The following CYP20A1 variants were observed in gnomAD, a reference collection of about 807,000 sequenced individuals.
The protein encoded by CYP20A1 is cytochrome P450 20A1.
CYP20A1 carries 61 observed loss-of-function variants against 61.4 expected under a neutral mutation model. The observed-to-expected ratio is 0.99, with a 90% CI of 0.81 to 1.23. The LOEUF (loss-of-function observed/expected upper bound fraction) is 1.23, where lower values mean the gene tolerates loss of function less well. Among genes scored for constraint, CYP20A1 ranks in the 50% most tolerant of loss-of-function variants. The probability of loss-of-function intolerance (pLI) is 0.00; values close to 1 mark genes in which losing one functional copy is unlikely to be tolerated. For synonymous variants in CYP20A1, 193 were observed against 188.2 expected (o/e 1.03, Z -0.21); for missense variants, 530 against 542.4 (o/e 0.98, Z 0.23).
At chr2:203,269,569 A>G (rs1216275308) in intron 5 of CYP20A1, among the ~76,000 whole-genome samples, 1 of 148,218 alleles carries the variant, frequency 6.7e-6, no homozygotes, top group Non-Finnish European at 1.5e-5. Flanking sequence ...ATCTCGGCTC[A>G]CTGCAACCTC....
chr2:203,265,326 C>T (rs1347846553), intron 4 of CYP20A1, among the ~76,000 whole-genome samples: 2 of 152,104 alleles, frequency 1.3e-5, no homozygotes, highest in Admixed American at 6.6e-5. Context: ...ACAAAATCAC[C>T]CTGGTTGAGA....
At chr2:203,239,827 C>T (rs1260294192) in intron 1 of CYP20A1, among the ~76,000 whole-genome samples, 1 of 152,088 alleles carries the variant, frequency 6.6e-6, no homozygotes, top group Non-Finnish European at 1.5e-5. Flanking sequence ...TGACTGAGGA[C>T]CGTCTTTAAA....
chr2:203,303,252 C>T lies in CYP20A1; in HGVS notation c.*6344C>T, dbSNP rs2069093382. On this transcript the variant is annotated 3_prime_UTR_variant, in exon 13 of 13. Coordinates refer to ENST00000356079, the MANE Select transcript of CYP20A1 (RefSeq NM_177538.3). Reference sequence around the variant, plus strand: ...ACTCCTAACCTCAGGTGATTCACACCCCTTGGCCTCCTGAAGTGCTGGGAT... The same window carrying T: ...ACTCCTAACCTCAGGTGATTCACACTCCTTGGCCTCCTGAAGTGCTGGGAT... Among the ~76,000 whole-genome samples, 1 of 150,594 alleles carries T rather than the reference C, an allele frequency of 6.6e-6. No homozygotes were observed. The highest frequency in any genetic ancestry group is 6.6e-5 in the Admixed American group (1 of 15,062).
intron 5 of CYP20A1, 150 bp downstream of exon 5, chr2:203,266,831 A>ATTAG: frequency 1.6e-6 from 1 of 627,260 alleles, no homozygotes; most frequent in Non-Finnish European, 2.7e-6. Flanking sequence ...AAATACAAAA[A>ATTAG]TCAGCTGGGT....
intron 1 of CYP20A1, among the ~76,000 whole-genome samples, chr2:203,242,665 T>G (rs2066295476): frequency 6.6e-6 from 1 of 151,876 alleles, no homozygotes; most frequent in Non-Finnish European, 1.5e-5. Context: ...GCGTCCGTGG[T>G]CCCTGGTCCC....
rs575058733 is a variant in CYP20A1 at position 203,293,214 on chromosome 2, C to CTTTTTTTTTTTTT, written c.1148+889_1148+890insTTTTTTTTTTTTT. 4.7e-5 allele frequency among the ~76,000 whole-genome samples: 6 copies of CTTTTTTTTTTTTT among 128,910 alleles called. 3 individuals are homozygous for CTTTTTTTTTTTTT. Among genetic ancestry groups the CTTTTTTTTTTTTT allele is most frequent in the Non-Finnish European group, 9.6e-5 (6 of 62,470 alleles). 84.6% of individuals were successfully genotyped at this position (128,910 alleles called of 152,430 possible). The stretch of plus-strand genomic sequence containing the variant: ...ATTTTTAAAAAAGCAGAATTTCTCT[C>CTTTTTTTTTTTTT]TCTTTTTTTTTTTTTTTTTGAGATG... On this transcript the variant is annotated intron_variant, in intron 11 of 12. Transcript: ENST00000356079.
At chr2:203,292,433 C>T (rs2068577726) in intron 11 of CYP20A1, 107 bp downstream of exon 11, 4 of 744,884 alleles carry the variant, frequency 5.4e-6, no homozygotes, top group Admixed American at 2.1e-5. Context: ...AGCAATGATA[C>T]AACAAAAGAA....
At chr2:203,251,793 G>GTACATATATATATATATATATATA (rs1553513991) in intron 3 of CYP20A1, among the ~76,000 whole-genome samples, 174 bp from the exon 4 acceptor site, 5 of 64,214 alleles carry the variant, frequency 7.8e-5, no homozygotes, top group African/African-American at 2.0e-4. Context: ...ATATATATGT[G>GTACATATATATATATATATATATA]TATATATATA....
intron 6 of CYP20A1, among the ~76,000 whole-genome samples, chr2:203,273,653 AGCAACATAG>A (rs1559099037): frequency 2.0e-5 from 3 of 152,156 alleles, no homozygotes; most frequent in African/African-American, 2.4e-5. Flanking sequence ...TTAAAAAATT[AGCAACATAG>A]GCCCAGTGCG....
At position 203,289,703 on chromosome 2, in the gene CYP20A1, G is replaced by A. The variant is rs1374530569; in HGVS notation, c.972-62G>A. 4 of 822,264 alleles carry A rather than the reference G, an allele frequency of 4.9e-6. No homozygotes were observed. The East Asian group carries it at 1.0e-4, about 22-fold the overall frequency. 50.9% of individuals were successfully genotyped at this position (822,264 alleles called of 1,614,324 possible). A position where few individuals can be genotyped will look rare whatever the true frequency, so the allele number is the denominator to read the frequency against. ...AGTTGTTGAAGAACGTTTTTTAAAT[G>A]TATGTACATTTCTAACTGCCTCCCA... On this transcript the variant is annotated intron_variant, in intron 9 of 12. Transcript: ENST00000356079.
In CYP20A1 at chr2:203,301,924, T is replaced by G. The variant is rs907694806; in HGVS notation, c.*5016T>G. ...ACCACTGTTAAGATTCTTTTTTTTTTTTTTTTTTTTTTGTTTTGAGACTGA... is the reference window on the plus strand; with the variant it reads ...ACCACTGTTAAGATTCTTTTTTTTTGTTTTTTTTTTTTGTTTTGAGACTGA... On this transcript the variant is annotated 3_prime_UTR_variant, in exon 13 of 13. Transcript: ENST00000356079. Among the ~76,000 whole-genome samples the G allele has an allele frequency of 6.8e-6, 1 of 146,480 alleles. No individual in the cohort carries two copies. The highest frequency in any genetic ancestry group is 1.5e-5 in the Non-Finnish European group (1 of 66,630).
intron 4 of CYP20A1, among the ~76,000 whole-genome samples, chr2:203,259,146 C>T (rs1008444332): frequency 6.6e-6 from 1 of 152,126 alleles, no homozygotes; most frequent in Non-Finnish European, 1.5e-5. Context: ...TTTTCTCCTC[C>T]TACTCATTCA....
intron 4 of CYP20A1, among the ~76,000 whole-genome samples, chr2:203,259,123 C>G (rs550743691): frequency 1.8e-4 from 28 of 152,230 alleles, no homozygotes; most frequent in African/African-American, 5.3e-4. Flanking sequence ...TTCTGTTGTT[C>G]CATATTCCAT....
intron 5 of CYP20A1, among the ~76,000 whole-genome samples, chr2:203,267,146 G>A (rs1382267364): frequency 6.6e-6 from 1 of 152,026 alleles, no homozygotes; most frequent in Non-Finnish European, 1.5e-5. Context: ...TGGGAGACAA[G>A]AGTGAGACCC....
At chr2:203,261,623 A>AG (rs2067140846) in intron 4 of CYP20A1, among the ~76,000 whole-genome samples, 2 of 147,068 alleles carry the variant, frequency 1.4e-5, no homozygotes, top group Non-Finnish European at 3.0e-5. Flanking sequence ...AAAAAAAAAA[A>AG]AAGGAATAGC....
Position 203,299,612 on chromosome 2 carries a change from T to C in CYP20A1, c.*2704T>C, listed in dbSNP as rs1454690188. Among the ~76,000 whole-genome samples, 2 of 152,152 alleles carry C rather than the reference T, an allele frequency of 1.3e-5. No individual in the cohort carries two copies. Among genetic ancestry groups the C allele is most frequent in the African/African-American group, 2.4e-5 (1 of 41,434 alleles). Reference sequence around the variant, plus strand: ...AACTTTGGCCGGGCGTGATGGCTCATGCCTGTAATCCCAGCACTTTGGGAG... The same window carrying C: ...AACTTTGGCCGGGCGTGATGGCTCACGCCTGTAATCCCAGCACTTTGGGAG... On this transcript the variant is annotated 3_prime_UTR_variant, in exon 13 of 13. Coordinates refer to ENST00000356079, the MANE Select transcript of CYP20A1 (RefSeq NM_177538.3).
At chr2:203,239,858 G>T (rs2066187371) in intron 1 of CYP20A1, among the ~76,000 whole-genome samples, 1 of 152,158 alleles carries the variant, frequency 6.6e-6, no homozygotes, top group African/African-American at 2.4e-5. Context: ...CACACTTTGG[G>T]AGGCTGAGGC....
At chr2:203,251,084 A>G (rs1218111588) in intron 3 of CYP20A1, among the ~76,000 whole-genome samples, 4 of 148,222 alleles carry the variant, frequency 2.7e-5, no homozygotes, top group African/African-American at 9.9e-5. Context: ...AAAAAAAAAA[A>G]AGAGATGATA....
chr2:203,266,313 A>G (rs74642935), intron 4 of CYP20A1, among the ~76,000 whole-genome samples: 4,586 of 152,168 alleles, frequency 0.03, 253 homozygotes, highest in African/African-American at 0.1. Context: ...TTTACATATC[A>G]GCCCTTTGCC....
Sources: allele counts gnomAD v4.1 joint callset (sites outside exome capture counted in the v4.1 genomes callset), GRCh38; gene constraint gnomAD v4.1.1; transcripts MANE v1.5; gene names NCBI Gene and HGNC (gene_info 2026-07-23, HGNC 2026-07-21).